The following DGKB variants were observed in gnomAD, a reference collection of about 807,000 sequenced individuals.
DGKB encodes the protein diacylglycerol kinase beta.
A neutral mutation model predicts 114.3 loss-of-function variants in DGKB; 67 were observed. The observed-to-expected ratio is 0.59, with a 90% CI of 0.48 to 0.72. The LOEUF is 0.72. Among genes scored for constraint, DGKB ranks in the 30% least tolerant of loss-of-function variants. DGKB has a pLI of 0.00. For synonymous variants in DGKB, 398 were observed against 323.1 expected, an observed-to-expected ratio of 1.23 and a Z score of -2.49; for missense variants, 907 against 975.2, an observed-to-expected ratio of 0.93 and a Z score of 0.93.
chr7:14,478,277 T>C (rs2128905559), intron 20 of DGKB, 52 bp from the exon 21 acceptor site: 1 of 1,070,034 alleles, frequency 9.3e-7, no homozygotes. Context: ...ATCCTATTAT[T>C]TTATGAAAAT....
At chr7:14,719,116 C>T (rs561064234) in intron 5 of DGKB, among the ~76,000 whole-genome samples, 2 of 152,264 alleles carry the variant, frequency 1.3e-5, no homozygotes, top group East Asian at 1.9e-4. Context: ...TTTCTCTATT[C>T]ATAATAAGTA....
chr7:14,474,420 A>G (rs1781863213), intron 21 of DGKB, among the ~76,000 whole-genome samples: 1 of 152,196 alleles, frequency 6.6e-6, no homozygotes, highest in Admixed American at 6.5e-5. Flanking sequence ...GTCCAGTCTC[A>G]GATATGTCTT....
chr7:14,699,804 T>C (rs80112347), intron 7 of DGKB, among the ~76,000 whole-genome samples: 1 of 152,148 alleles, frequency 6.6e-6, no homozygotes, highest in Non-Finnish European at 1.5e-5. Flanking sequence ...TAATCAAAAC[T>C]AAATATATTT....
intron 20 of DGKB, among the ~76,000 whole-genome samples, chr7:14,548,570 G>T (rs1290299895): frequency 1.3e-5 from 2 of 152,146 alleles, no homozygotes; most frequent in Non-Finnish European, 2.9e-5. Context: ...TTGATGATAG[G>T]AGCAAAGGAA....
rs115822306 is a variant in DGKB at position 14,303,340 on chromosome 7, C to T, written c.2122+35175G>A. ...GGATGTGTATGACTGTATTTCCCGC[C>T]GTAGTTAGTTTTTAAGAAAGAATGT... On this transcript the variant is annotated intron_variant, in intron 23 of 25. Transcript: ENST00000402815. 1.9e-3 allele frequency among the ~76,000 whole-genome samples: 287 copies of T among 152,110 alleles called. 1 individual carries two copies. The highest frequency in any genetic ancestry group is 6.1e-3 in the African/African-American group (254 of 41,498).
At chr7:14,309,069 T>C (rs1334693125) in intron 23 of DGKB, among the ~76,000 whole-genome samples, 3 of 151,924 alleles carry the variant, frequency 2.0e-5, no homozygotes, top group African/African-American at 7.3e-5. Flanking sequence ...ACAAAAAATT[T>C]AGCCAGTGTC....
intron 20 of DGKB, among the ~76,000 whole-genome samples, chr7:14,559,168 C>T (rs375865763): frequency 8.5e-4 from 129 of 152,262 alleles, no homozygotes; most frequent in Middle Eastern, 3.4e-3. Context: ...CATCAATTTT[C>T]TTAGCATATA....
chr7:14,946,681 C>T (rs561888723), intron 1 of DGKB, among the ~76,000 whole-genome samples: 126 of 151,704 alleles, frequency 8.3e-4, no homozygotes, highest in South Asian at 2.9e-3. Context: ...AGTTTTCAAA[C>T]GGAATGTGAC....
chr7:14,605,512 G>C lies in DGKB; in HGVS notation c.1433+1922C>G, dbSNP rs71538880. 6.6e-3 allele frequency among the ~76,000 whole-genome samples: 994 copies of C among 151,728 alleles called. 6 individuals carry two copies. Among genetic ancestry groups the C allele is most frequent in the Non-Finnish European group, 7.9e-3 (535 of 67,880 alleles). On this transcript the variant is annotated intron_variant, in intron 17 of 25. Transcript: ENST00000402815. ...CAATAATAATTTCTGAGGAGTAGTAGTGCTCAAAGTGGGACCTTTAAATTT... is the reference window on the plus strand; with the variant it reads ...CAATAATAATTTCTGAGGAGTAGTACTGCTCAAAGTGGGACCTTTAAATTT...
At chr7:14,638,895 C>T (rs752521052) in intron 13 of DGKB, among the ~76,000 whole-genome samples, 1 of 151,818 alleles carries the variant, frequency 6.6e-6, no homozygotes. Context: ...AAAATTATCC[C>T]GGCATGGTGG....
chr7:14,392,596 G>A (rs1356655400), intron 21 of DGKB, among the ~76,000 whole-genome samples: 1 of 152,114 alleles, frequency 6.6e-6, no homozygotes, highest in Admixed American at 6.5e-5. Context: ...ATTAATGTGT[G>A]TCCCTGGGGT....
Position 14,280,803 on chromosome 7 carries a change from C to G in DGKB, c.2122+57712G>C, listed in dbSNP as rs1369981403. 2.7e-5 allele frequency among the ~76,000 whole-genome samples: 4 copies of G among 150,134 alleles called. No individual in the cohort carries two copies. The East Asian group carries it at 8.0e-4, about 30-fold the overall frequency. ...AGAAATAAAATACTTTACAGACAAG[C>G]AAATGCTGAGAGATTTTGTCACCAC... On this transcript the variant is annotated intron_variant, in intron 23 of 25. Coordinates refer to ENST00000402815, the MANE Select transcript of DGKB (RefSeq NM_001350709.2).
intron 13 of DGKB, among the ~76,000 whole-genome samples, chr7:14,634,496 A>ACG (rs1301097659): frequency 3.3e-5 from 5 of 149,742 alleles, no homozygotes; most frequent in Non-Finnish European, 6.0e-5. Flanking sequence ...ACACACACAC[A>ACG]CACACACACA....
chr7:14,178,410 C>CAAAAAAAAA (rs56812836), intron 23 of DGKB, among the ~76,000 whole-genome samples: 1 of 121,796 alleles, frequency 8.2e-6, no homozygotes, highest in Non-Finnish European at 1.9e-5. Context: ...CAAATAATAC[C>CAAAAAAAAA]AAAAAAAAAA....
At chr7:14,678,880 AG>A (rs1362859392) in intron 12 of DGKB, among the ~76,000 whole-genome samples, 1 of 152,036 alleles carries the variant, frequency 6.6e-6, no homozygotes, top group Admixed American at 6.6e-5. Context: ...GACAAGACTC[AG>A]TGACAGGTTG....
chr7:14,164,048 A>C (rs62443531), intron 25 of DGKB, among the ~76,000 whole-genome samples: 51,923 of 151,920 alleles, frequency 0.34, 9,726 homozygotes, highest in South Asian at 0.51. Context: ...TCACCACCAC[A>C]ACAACAACAA....
At chr7:14,529,317 A>G (rs1563413754) in intron 20 of DGKB, among the ~76,000 whole-genome samples, 1 of 151,834 alleles carries the variant, frequency 6.6e-6, no homozygotes, top group South Asian at 2.1e-4. Flanking sequence ...ATGGCTTAAC[A>G]TGTGTTTGTT....
intron 14 of DGKB, among the ~76,000 whole-genome samples, chr7:14,624,459 ATATATT>A (rs1808217227): frequency 6.6e-6 from 1 of 152,208 alleles, no homozygotes; most frequent in Admixed American, 6.6e-5. Context: ...GCACCAGATT[ATATATT>A]TATGTTTTAA....
chr7:14,580,827 T>C lies in DGKB; in HGVS notation c.1609+35A>G. ...TTTTGCAAGGGAAAGGGGTGTTGTG[T>C]ACTGTTTCTGCTTTTGTTGTTGCAG... On this transcript the variant is annotated intron_variant, in intron 19 of 25. Transcript: ENST00000402815. 2.0e-6 allele frequency: 3 copies of C among 1,477,198 alleles called. No homozygotes were observed. The African/African-American group carries it at 4.2e-5, about 21-fold the overall frequency. 91.5% of individuals were successfully genotyped at this position (1,477,198 alleles called of 1,614,324 possible). A position where few individuals can be genotyped will look rare whatever the true frequency, so the allele number is the denominator to read the frequency against.
Sources: allele counts gnomAD v4.1 joint callset (sites outside exome capture counted in the v4.1 genomes callset), GRCh38; gene constraint gnomAD v4.1.1; transcripts MANE v1.5; gene names NCBI Gene and HGNC (gene_info 2026-07-23, HGNC 2026-07-21).